GRIN2A: variants seen among roughly 807,000 people sequenced by gnomAD.
GRIN2A encodes glutamate receptor ionotropic, NMDA 2A.
Under a neutral mutation model 113.4 loss-of-function variants are expected in GRIN2A, and 22 were observed. The ratio of observed to expected loss-of-function variants is 0.19; its 90% confidence interval spans 0.14 to 0.28. The LOEUF is 0.28. GRIN2A is among the 10% of genes least tolerant of loss of function. GRIN2A has a pLI of 1.00. For missense variants in GRIN2A, 1,502 were observed against 1,887.0 expected, an observed-to-expected ratio of 0.80 and a Z score of 3.78; for synonymous variants, 827 against 738.4, an observed-to-expected ratio of 1.12 and a Z score of -1.94.
intron 3 of GRIN2A, among the ~76,000 whole-genome samples, chr16:9,909,955 A>G (rs2044101876): frequency 1.3e-5 from 2 of 152,230 alleles, no homozygotes; most frequent in African/African-American, 4.8e-5. Context: ...TGTAAACGGA[A>G]TCATACACTA....
At chr16:9,843,358 C>T (rs544812065) in intron 5 of GRIN2A, among the ~76,000 whole-genome samples, 6 of 152,228 alleles carry the variant, frequency 3.9e-5, no homozygotes, top group Non-Finnish European at 8.8e-5. Flanking sequence ...GAGACACGCT[C>T]TTGCTCTGTT....
Position 9,938,456 on chromosome 16 carries a change from G to A in GRIN2A, c.510C>T (p.Phe170=), listed in dbSNP as rs113636131. 6 of 1,613,836 alleles carry A rather than the reference G, an allele frequency of 3.7e-6. No homozygotes were observed. The highest frequency in any genetic ancestry group is 1.3e-5 in the African/African-American group (1 of 75,064). ...KIMQDYDWHV[F]SLVTTIFPGY... ...CAGGGAAGATAGTGGTCACCAGGGA[G>A]AAGACATGCCAGTCATAATCCTGCA... The change falls in exon 3 of 13, where the codon TTC becomes TTT. Residue 170 remains phenylalanine (F), a synonymous_variant. Coordinates refer to ENST00000330684, the MANE Select transcript of GRIN2A (RefSeq NM_001134407.3).
chr16:10,072,946 C>T (rs901771147), intron 2 of GRIN2A, among the ~76,000 whole-genome samples: 16 of 104,224 alleles, frequency 1.5e-4, no homozygotes, highest in Non-Finnish European at 2.8e-4. Flanking sequence ...ACAAGACCCC[C>T]TTTTTTTTTT....
At chr16:9,893,476 AT>A (rs564766461) in intron 3 of GRIN2A, among the ~76,000 whole-genome samples, 3 of 151,828 alleles carry the variant, frequency 2.0e-5, no homozygotes, top group Admixed American at 6.6e-5. Flanking sequence ...TATTTTTGTT[AT>A]TTTTTTTAAG....
At chr16:9,906,269 C>T (rs1041964090) in intron 3 of GRIN2A, among the ~76,000 whole-genome samples, 1 of 152,210 alleles carries the variant, frequency 6.6e-6, no homozygotes, top group African/African-American at 2.4e-5. Flanking sequence ...ATTTTTCCAA[C>T]CTTCCATCCT....
At chr16:9,805,571 G>A (rs1278967208) in intron 10 of GRIN2A, 2 of 152,222 alleles carry the variant, frequency 1.3e-5, no homozygotes, top group Non-Finnish European at 2.9e-5. Flanking sequence ...ACACAATTCA[G>A]ATTTATCTTC....
At chr16:9,850,887 A>G (rs2042871611) in intron 4 of GRIN2A, among the ~76,000 whole-genome samples, 1 of 152,104 alleles carries the variant, frequency 6.6e-6, no homozygotes, top group African/African-American at 2.4e-5. Flanking sequence ...ATTCACATAC[A>G]CGCTGGGAGG....
At chr16:10,046,411 A>G (rs981307067) in intron 2 of GRIN2A, among the ~76,000 whole-genome samples, 2 of 151,976 alleles carry the variant, frequency 1.3e-5, no homozygotes, top group African/African-American at 4.8e-5. Flanking sequence ...TCTTCACTAC[A>G]TAATAAATGA....
At chr16:9,990,483 G>A (rs141399252) in intron 2 of GRIN2A, among the ~76,000 whole-genome samples, 16 of 151,766 alleles carry the variant, frequency 1.1e-4, no homozygotes, top group African/African-American at 3.9e-4. Context: ...TCAAACTTCA[G>A]CATTACATAA....
chr16:10,012,009 G>C (rs2046514511), intron 2 of GRIN2A, among the ~76,000 whole-genome samples: 1 of 152,210 alleles, frequency 6.6e-6, no homozygotes, highest in Non-Finnish European at 1.5e-5. Flanking sequence ...GCTGTGAGGT[G>C]TGATGCACTA....
chr16:10,034,749 C>T (rs531563258), intron 2 of GRIN2A, among the ~76,000 whole-genome samples: 3 of 152,160 alleles, frequency 2.0e-5, no homozygotes, highest in African/African-American at 7.2e-5. Flanking sequence ...ATCTAGAGTT[C>T]TCCTGACATT....
chr16:9,929,854 A>G (rs1406792604), intron 3 of GRIN2A, among the ~76,000 whole-genome samples: 4 of 152,152 alleles, frequency 2.6e-5, no homozygotes, highest in Admixed American at 6.5e-5. Context: ...AAATGTGAAC[A>G]ATATTTGTGC....
At chr16:10,051,982 T>C (rs2047367744) in intron 2 of GRIN2A, among the ~76,000 whole-genome samples, 1 of 152,358 alleles carries the variant, frequency 6.6e-6, no homozygotes, top group Admixed American at 6.5e-5. Flanking sequence ...AAAGTCTTGT[T>C]TGTGCTGAGA....
intron 2 of GRIN2A, among the ~76,000 whole-genome samples, chr16:9,986,832 A>G (rs542717653): frequency 4.6e-5 from 7 of 152,022 alleles, no homozygotes; most frequent in South Asian, 4.2e-4. Flanking sequence ...AGATCTAGAT[A>G]TCACCTTTTC....
At chr16:9,818,524 A>G (rs780030884) in intron 10 of GRIN2A, among the ~76,000 whole-genome samples, 1 of 152,168 alleles carries the variant, frequency 6.6e-6, no homozygotes. Context: ...AGACTAAAAA[A>G]GAAATAGGGA....
chr16:10,016,074 C>G lies in GRIN2A; in HGVS notation c.415-77523G>C, dbSNP rs1019081027. On this transcript the variant is annotated intron_variant, in intron 2 of 12. Coordinates refer to ENST00000330684, the MANE Select transcript of GRIN2A (RefSeq NM_001134407.3). ...GAGGTTGCAGTGAGCCAAGATCATG[C>G]CATTGCACTCCAGCCTGGGTGACAA... is the stretch of plus-strand genomic sequence containing the variant. 3.6e-5 allele frequency among the ~76,000 whole-genome samples: 5 copies of G among 140,546 alleles called. 1 individual carries two copies. The highest frequency in any genetic ancestry group is 1.3e-4 in the African/African-American group (5 of 37,334). 92.2% of individuals were successfully genotyped at this position (140,546 alleles called of 152,430 possible).
chr16:10,180,786 C>A lies in GRIN2A; in HGVS notation c.-18-357G>T, dbSNP rs1596588041. 4.9e-6 allele frequency: 2 copies of A among 411,984 alleles called. No homozygotes were observed. Among genetic ancestry groups the A allele is most frequent in the East Asian group, 1.0e-4 (2 of 19,870 alleles). The allele number at this position is 411,984 out of a possible 1,614,324, so 25.5% of individuals were successfully genotyped here. The stretch of plus-strand genomic sequence containing the variant: ...CCCTAAGCGCCGCGCGTGTTCTGTA[C>A]CCCACCAAGCTCCTAGGTGCACAGA... On this transcript the variant is annotated intron_variant, in intron 1 of 12. Coordinates refer to ENST00000330684, the MANE Select transcript of GRIN2A (RefSeq NM_001134407.3). The surrounding 1 kb of genome is among the most constrained non-coding windows in gnomAD (Gnocchi z 7.0).
chr16:9,762,119 T>C lies in GRIN2A; in HGVS notation c.*1030A>G, dbSNP rs1457797270. 4.7e-6 allele frequency: 1 copy of C among 210,750 alleles called. No individual in the cohort carries two copies. Among genetic ancestry groups the C allele is most frequent in the African/African-American group, 2.3e-5 (1 of 44,092 alleles). The allele number at this position is 210,750 out of a possible 1,614,324, so 13.1% of individuals were successfully genotyped here. A position where few individuals can be genotyped will look rare whatever the true frequency, so the allele number is the denominator to read the frequency against. On this transcript the variant is annotated 3_prime_UTR_variant, in exon 13 of 13. Coordinates refer to ENST00000330684, the MANE Select transcript of GRIN2A (RefSeq NM_001134407.3). ...GTACACATACGGCTGTTGGTGCATG[T>C]CACCACATTAACAACTCTGGGAAGA... is the stretch of plus-strand genomic sequence containing the variant.
intron 2 of GRIN2A, among the ~76,000 whole-genome samples, chr16:10,092,977 TACAGGCACCC>T (rs2048210988): frequency 6.6e-6 from 1 of 151,966 alleles, no homozygotes; most frequent in South Asian, 2.1e-4. Flanking sequence ...TAGCTGGGAT[TACAGGCACCC>T]ACCACCATGC....
Sources: allele counts gnomAD v4.1 joint callset (sites outside exome capture counted in the v4.1 genomes callset), GRCh38; gene constraint gnomAD v4.1.1; non-coding constraint Gnocchi (gnomAD v3.1); transcripts MANE v1.5; gene names NCBI Gene and HGNC (gene_info 2026-07-23, HGNC 2026-07-21).